CSMD1: variants seen among roughly 807,000 people sequenced by gnomAD.
CSMD1 encodes CUB and Sushi multiple domains 1.
In CSMD1, 213 loss-of-function variants were observed where a neutral mutation model predicts 417.5. The ratio of observed to expected loss-of-function variants is 0.51; its 90% CI spans 0.46 to 0.57. The LOEUF (loss-of-function observed/expected upper bound fraction) is 0.57, where lower values mean the gene tolerates loss of function less well. Ranked by LOEUF, CSMD1 falls within the 20% of genes least tolerant of loss-of-function variation. The pLI is 0.00. For missense variants in CSMD1, 6,923 were observed against 4,529.7 expected, an observed-to-expected ratio of 1.53 and a Z score of -15.17; for synonymous variants, 2,862 against 1,736.8, an observed-to-expected ratio of 1.65 and a Z score of -16.11.
At chr8:4,982,224 G>A (rs903678009) in intron 1 of CSMD1, among the ~76,000 whole-genome samples, 2 of 152,182 alleles carry the variant, frequency 1.3e-5, no homozygotes, top group East Asian at 3.9e-4. Context: ...ATGCATGTGT[G>A]CTGTTTGAAG....
intron 3 of CSMD1, among the ~76,000 whole-genome samples, chr8:4,128,473 A>C (rs1403712802): frequency 6.6e-6 from 1 of 152,188 alleles, no homozygotes; most frequent in African/African-American, 2.4e-5. Context: ...CATGCTCTCC[A>C]AGGTTTAAAA....
At chr8:4,680,457 C>A (rs114984338) in intron 1 of CSMD1, among the ~76,000 whole-genome samples, 12 of 152,252 alleles carry the variant, frequency 7.9e-5, no homozygotes, top group Admixed American at 7.2e-4. Context: ...TTCTCATCAT[C>A]GTACCTTCAC....
chr8:4,640,419 G>A (rs1585376356), intron 1 of CSMD1, among the ~76,000 whole-genome samples: 1 of 152,130 alleles, frequency 6.6e-6, no homozygotes, highest in East Asian at 1.9e-4. Context: ...TTTGATTGGT[G>A]TAAGCCTAAA....
At chr8:4,774,326 A>C (rs1421047313) in intron 1 of CSMD1, among the ~76,000 whole-genome samples, 3 of 152,198 alleles carry the variant, frequency 2.0e-5, no homozygotes, top group Non-Finnish European at 4.4e-5. Context: ...AATTGAGGGC[A>C]GGTCTCTCAA....
chr8:3,129,520 ATC>A (rs1817680143), intron 41 of CSMD1, among the ~76,000 whole-genome samples: 1 of 152,182 alleles, frequency 6.6e-6, no homozygotes, highest in South Asian at 2.1e-4. Context: ...CATGCCTGTA[ATC>A]CCAGCACTTT....
chr8:3,371,079 G>A (rs894962686), intron 18 of CSMD1, among the ~76,000 whole-genome samples: 11 of 152,134 alleles, frequency 7.2e-5, no homozygotes, highest in Admixed American at 7.2e-4. Flanking sequence ...TGAACCATCA[G>A]ACCCAGAACA....
At chr8:4,459,008 G>T (rs868408046) in intron 2 of CSMD1, among the ~76,000 whole-genome samples, 1 of 152,104 alleles carries the variant, frequency 6.6e-6, no homozygotes, top group Admixed American at 6.6e-5. Flanking sequence ...GTGCAGCTTG[G>T]GCCACAGCCT....
intron 3 of CSMD1, among the ~76,000 whole-genome samples, chr8:4,337,982 A>G (rs1227225341): frequency 2.6e-5 from 4 of 152,134 alleles, no homozygotes; most frequent in Non-Finnish European, 4.4e-5. Context: ...GTCAACTGTA[A>G]AATGTCTGTA....
At position 3,986,395 on chromosome 8, in the gene CSMD1, T is replaced by C. The variant is rs780414007; in HGVS notation, c.818+11508A>G. Among the ~76,000 whole-genome samples, 105 of 152,290 alleles carry C rather than the reference T, an allele frequency of 6.9e-4. 2 individuals are homozygous for C. Among genetic ancestry groups the C allele is most frequent in the Non-Finnish European group, 1.1e-3 (75 of 68,024 alleles). ...AGCCAACCTTCCTAACCACAGGCCC[T>C]GGACATTTCACTGTTGAATACGTTT... On this transcript the variant is annotated intron_variant, in intron 5 of 69. Coordinates refer to ENST00000635120, the MANE Select transcript of CSMD1 (RefSeq NM_033225.6).
At chr8:3,831,889 G>A (rs1345000354) in intron 5 of CSMD1, among the ~76,000 whole-genome samples, 1 of 151,970 alleles carries the variant, frequency 6.6e-6, no homozygotes, top group Admixed American at 6.6e-5. Flanking sequence ...CATACAATAT[G>A]GTAACCCAGA....
At chr8:4,699,753 T>C (rs971345390) in intron 1 of CSMD1, among the ~76,000 whole-genome samples, 1 of 152,336 alleles carries the variant, frequency 6.6e-6, no homozygotes, top group African/African-American at 2.4e-5. Context: ...TGGAAAGCAG[T>C]GTTTCATGGT....
chr8:3,254,849 C>T (rs1028733900), intron 26 of CSMD1, among the ~76,000 whole-genome samples: 3 of 152,098 alleles, frequency 2.0e-5, no homozygotes, highest in African/African-American at 4.8e-5. Flanking sequence ...GTTTGCTAGT[C>T]TGAAGCCTTC....
At chr8:3,989,872 T>A (rs1814613082) in intron 5 of CSMD1, among the ~76,000 whole-genome samples, 1 of 152,150 alleles carries the variant, frequency 6.6e-6, no homozygotes, top group Non-Finnish European at 1.5e-5. Flanking sequence ...TGCACAAAAT[T>A]ACCTTATTCT....
chr8:3,621,770 A>T (rs959241313), intron 7 of CSMD1, among the ~76,000 whole-genome samples: 5 of 149,898 alleles, frequency 3.3e-5, no homozygotes, highest in African/African-American at 1.2e-4. Context: ...TTATTATTTT[A>T]TTATTATTAT....
At chr8:4,450,207 G>C (rs951495715) in intron 2 of CSMD1, among the ~76,000 whole-genome samples, 2 of 152,240 alleles carry the variant, frequency 1.3e-5, no homozygotes, top group Admixed American at 6.5e-5. Flanking sequence ...AAGTTACAGA[G>C]TACCTATATG....
intron 49 of CSMD1, among the ~76,000 whole-genome samples, chr8:3,086,405 C>T (rs539465333): frequency 1.3e-5 from 2 of 152,068 alleles, no homozygotes; most frequent in Non-Finnish European, 2.9e-5. Context: ...TCTCACAAAG[C>T]AATACCAGAA....
intron 2 of CSMD1, among the ~76,000 whole-genome samples, chr8:4,427,162 C>CA (rs1784099048): frequency 6.6e-6 from 1 of 152,070 alleles, no homozygotes; most frequent in Non-Finnish European, 1.5e-5. Flanking sequence ...ACAGAATCTA[C>CA]ACAATGGGTA....
At chr8:4,024,577 A>C (rs1340009313) in intron 4 of CSMD1, among the ~76,000 whole-genome samples, 1 of 152,300 alleles carries the variant, frequency 6.6e-6, no homozygotes, top group East Asian at 1.9e-4. Context: ...CCCTTATTAC[A>C]GAAATAATCA....
At chr8:3,229,992 A>C (rs1348456346) in intron 27 of CSMD1, 48 bp downstream of exon 27, 10 of 1,314,434 alleles carry the variant, frequency 7.6e-6, no homozygotes, top group Non-Finnish European at 1.0e-5. Flanking sequence ...TAACGACAAC[A>C]TGCATCCATT....
Sources: allele counts gnomAD v4.1 joint callset (sites outside exome capture counted in the v4.1 genomes callset), GRCh38; gene constraint gnomAD v4.1.1; transcripts MANE v1.5; gene names NCBI Gene and HGNC (gene_info 2026-07-23, HGNC 2026-07-21).